Variants in DPP6 observed in about 807,000 individuals in gnomAD.
The protein encoded by DPP6 is A-type potassium channel modulatory protein DPP6.
DPP6 carries 69 observed loss-of-function variants against 122.6 expected under a neutral mutation model. The ratio of observed to expected loss-of-function variants is 0.56; its 90% CI spans 0.46 to 0.69. The LOEUF is 0.69. Among genes scored for constraint, DPP6 ranks in the 30% least tolerant of loss-of-function variants. DPP6 has a pLI of 0.00. For missense variants in DPP6, 928 were observed against 1,116.9 expected (o/e 0.83, Z 2.41); for synonymous variants, 418 against 433.1 (o/e 0.97, Z 0.43).
chr7:154,884,425 C>CCACATGCTCACCTATA (rs1554496130), intron 21 of DPP6: 1 of 139,846 alleles, frequency 7.2e-6, no homozygotes, highest in Non-Finnish European at 1.5e-5. Flanking sequence ...ACACATGCTC[C>CCACATGCTCACCTATA]CACATGCTCA....
intron 5 of DPP6, among the ~76,000 whole-genome samples, chr7:154,567,963 AT>A (rs1237901047): frequency 1.3e-5 from 2 of 152,160 alleles, no homozygotes; most frequent in East Asian, 3.8e-4. Flanking sequence ...CCAACTGTAG[AT>A]TTTTTTGGAC....
chr7:154,061,067 C>T (rs1266374143), intron 1 of DPP6, among the ~76,000 whole-genome samples: 12 of 149,022 alleles, frequency 8.1e-5, no homozygotes, highest in Admixed American at 2.0e-4. Context: ...CCGACGGGTC[C>T]GAACGCAGCT....
intron 1 of DPP6, among the ~76,000 whole-genome samples, chr7:154,028,130 G>A (rs1489711536): frequency 3.3e-5 from 5 of 151,898 alleles, no homozygotes; most frequent in South Asian, 2.1e-4. Context: ...CTGTGGAGCC[G>A]GGACAGCTAT....
chr7:154,715,905 T>C (rs1271785285), intron 7 of DPP6, among the ~76,000 whole-genome samples: 2 of 152,158 alleles, frequency 1.3e-5, no homozygotes, highest in Non-Finnish European at 2.9e-5. Context: ...TCTGACTTCC[T>C]TCTCCAAACC....
At position 154,259,407 on chromosome 7, in the gene DPP6, T is replaced by C. The variant is rs535189117; in HGVS notation, c.244-186807T>C. ...ACTGGATTCGTAAGTGCCAAACTAA[T>C]ATGCAGGTGTTTTGGAAAGGGAGGG... On this transcript the variant is annotated intron_variant, in intron 1 of 25. Transcript: ENST00000377770. Among the ~76,000 whole-genome samples the C allele has an allele frequency of 3.3e-5, 5 of 152,262 alleles. No homozygotes were observed. In the South Asian group the frequency reaches 8.3e-4, roughly 25 times the overall value.
intron 8 of DPP6, among the ~76,000 whole-genome samples, chr7:154,756,716 G>A (rs959239909): frequency 1.3e-5 from 2 of 152,090 alleles, no homozygotes; most frequent in African/African-American, 4.8e-5. Context: ...CTGCTAGGAT[G>A]GTCCTTGTCC....
chr7:154,145,001 A>T (rs982735896), intron 1 of DPP6, among the ~76,000 whole-genome samples: 7 of 152,038 alleles, frequency 4.6e-5, no homozygotes, highest in African/African-American at 1.7e-4. Flanking sequence ...TGCAGTCACC[A>T]GTTCTGCTGG....
intron 2 of DPP6, among the ~76,000 whole-genome samples, chr7:154,455,274 C>G (rs1013269616): frequency 1.3e-5 from 2 of 152,176 alleles, no homozygotes; most frequent in African/African-American, 4.8e-5. Context: ...TATTGCATGG[C>G]TACCTTCACT....
chr7:154,570,501 G>A (rs1340869422), intron 5 of DPP6, among the ~76,000 whole-genome samples: 2 of 151,892 alleles, frequency 1.3e-5, no homozygotes, highest in Non-Finnish European at 2.9e-5. Flanking sequence ...ATATATTTGT[G>A]GTGTGTGTAT....
chr7:154,295,303 A>C (rs1805466140), intron 1 of DPP6, among the ~76,000 whole-genome samples: 2 of 152,208 alleles, frequency 1.3e-5, no homozygotes, highest in Non-Finnish European at 2.9e-5. Context: ...TGTGTTGTTC[A>C]TACAAATCAC....
At chr7:154,391,762 G>A (rs11520880) in intron 1 of DPP6, among the ~76,000 whole-genome samples, 16 of 152,152 alleles carry the variant, frequency 1.1e-4, no homozygotes, top group Non-Finnish European at 1.9e-4. Flanking sequence ...GCTGATGAAG[G>A]CAGGATAGTG....
intron 5 of DPP6, among the ~76,000 whole-genome samples, chr7:154,600,253 G>A (rs544802289): frequency 0.15 from 13,175 of 85,832 alleles, 1,558 homozygotes; most frequent in East Asian, 0.3. Context: ...TCAGCCTCCT[G>A]AGTAGCTGGG....
At chr7:154,370,863 C>T (rs988049371) in intron 1 of DPP6, among the ~76,000 whole-genome samples, 3 of 152,210 alleles carry the variant, frequency 2.0e-5, no homozygotes, top group Non-Finnish European at 2.9e-5. Context: ...AAAGTGAGTG[C>T]GGATTTCTAA....
At chr7:153,987,780 T>C (rs1796925070) in intron 1 of DPP6, among the ~76,000 whole-genome samples, 1 of 152,146 alleles carries the variant, frequency 6.6e-6, no homozygotes, top group African/African-American at 2.4e-5. Flanking sequence ...GATTTAAATA[T>C]AGAGTTCAGT....
At chr7:153,933,199 TC>T (rs897748553) in intron 1 of DPP6, among the ~76,000 whole-genome samples, 21 of 152,220 alleles carry the variant, frequency 1.4e-4, no homozygotes, top group African/African-American at 5.1e-4. Flanking sequence ...CCTCTAAGTT[TC>T]CTCAACGGTA....
chr7:154,217,727 C>A (rs12703327), intron 1 of DPP6, among the ~76,000 whole-genome samples: 101,782 of 152,028 alleles, frequency 0.67, 36,879 homozygotes, highest in Non-Finnish European at 0.81. Flanking sequence ...CATCTCATCC[C>A]TTTCTCACTC....
chr7:154,339,204 G>A (rs1055196332), intron 1 of DPP6, among the ~76,000 whole-genome samples: 5 of 152,204 alleles, frequency 3.3e-5, no homozygotes, highest in African/African-American at 7.2e-5. Flanking sequence ...TTTGGCACGC[G>A]TTAAGCAGTG....
intron 8 of DPP6, among the ~76,000 whole-genome samples, chr7:154,729,227 A>G (rs1399419312): frequency 6.6e-6 from 1 of 152,104 alleles, no homozygotes; most frequent in Non-Finnish European, 1.5e-5. Context: ...CTGGCCTGAA[A>G]CCGTGTGGTC....
At chr7:153,974,689 T>C (rs1796204651) in intron 1 of DPP6, among the ~76,000 whole-genome samples, 2 of 152,214 alleles carry the variant, frequency 1.3e-5, no homozygotes, top group South Asian at 4.1e-4. Flanking sequence ...GCAAAGTGCT[T>C]GAACATTCTG....
Sources: allele counts gnomAD v4.1 joint callset (sites outside exome capture counted in the v4.1 genomes callset), GRCh38; gene constraint gnomAD v4.1.1; transcripts MANE v1.5; gene names NCBI Gene and HGNC (gene_info 2026-07-23, HGNC 2026-07-21).